ZFAT: variants seen among roughly 807,000 people sequenced by gnomAD.
ZFAT encodes zinc finger and AT-hook domain containing, also known as zinc finger protein ZFAT.
ZFAT carries 64 observed loss-of-function variants against 117.7 expected under a neutral mutation model. The ratio of observed to expected loss-of-function variants is 0.54; its 90% CI spans 0.44 to 0.67. ZFAT has a LOEUF of 0.67. Ranked by LOEUF, ZFAT falls within the 30% of genes least tolerant of loss-of-function variation. The probability of loss-of-function intolerance (pLI) is 0.00; values close to 1 mark genes in which losing one functional copy is unlikely to be tolerated. For missense variants in ZFAT, 1,433 were observed against 1,584.5 expected, an observed-to-expected ratio of 0.90 and a Z score of 1.62; for synonymous variants, 679 against 615.0, an observed-to-expected ratio of 1.10 and a Z score of -1.54.
Position 134,602,767 on chromosome 8 carries a change from G to A in ZFAT, c.952C>T (p.Leu318=). Residue 318 remains leucine, a synonymous_variant, in exon 6 of 16, where the codon CTG becomes TTG. Transcript: ENST00000377838. ...SAIKANLNVH[L]RKHTGEKFAC... ...AACTTCTCTCCAGTGTGCTTGCGCAGGTGCACATTGAGGTTGGCCTTGATG... is the reference window on the plus strand; with the variant it reads ...AACTTCTCTCCAGTGTGCTTGCGCAAGTGCACATTGAGGTTGGCCTTGATG... 2 of 1,613,970 alleles carry A rather than the reference G, an allele frequency of 1.2e-6. No individual in the cohort carries two copies. Among genetic ancestry groups the A allele is most frequent in the South Asian group, 1.1e-5 (1 of 91,078 alleles).
chr8:134,610,890 G>T (rs1268113912), intron 3 of ZFAT, among the ~76,000 whole-genome samples: 2 of 152,074 alleles, frequency 1.3e-5, no homozygotes, highest in Non-Finnish European at 2.9e-5. Flanking sequence ...GGCGTACACT[G>T]TTGGGTGAAG....
the ZFAT span, among the ~76,000 whole-genome samples, chr8:134,724,730 C>A: frequency 1.3e-5 from 2 of 152,108 alleles, no homozygotes; most frequent in African/African-American, 4.8e-5. Flanking sequence ...AGTCAAGTTA[C>A]ACAGTGCAGG....
At chr8:134,493,787 C>T (rs934037142) in intron 15 of ZFAT, among the ~76,000 whole-genome samples, 2 of 152,186 alleles carry the variant, frequency 1.3e-5, no homozygotes, top group South Asian at 2.1e-4. Flanking sequence ...AGCTGCTGCC[C>T]GTGTGCTTCA....
At chr8:134,595,107 A>G (rs1826828265) in intron 7 of ZFAT, among the ~76,000 whole-genome samples, 1 of 152,196 alleles carries the variant, frequency 6.6e-6, no homozygotes, top group South Asian at 2.1e-4. Flanking sequence ...AGGCCACTAA[A>G]TATGTATTTA....
chr8:134,795,531 G>C, the ZFAT span: 2 of 152,242 alleles, frequency 1.3e-5, no homozygotes, highest in African/African-American at 4.8e-5. Flanking sequence ...AGAGCCGATA[G>C]ATGGCTGACA....
At chr8:134,491,124 C>G (rs566285773) in intron 15 of ZFAT, among the ~76,000 whole-genome samples, 1 of 152,332 alleles carries the variant, frequency 6.6e-6, no homozygotes, top group East Asian at 1.9e-4. Context: ...TAACAACAAC[C>G]TTATTTATGA....
At chr8:134,759,280 C>T in the ZFAT span, among the ~76,000 whole-genome samples, 1 of 152,162 alleles carries the variant, frequency 6.6e-6, no homozygotes, top group African/African-American at 2.4e-5. Flanking sequence ...GCAAGAGGGA[C>T]TCAGAAATCA....
At chr8:134,653,421 T>TTG (rs1332122539) in intron 2 of ZFAT, among the ~76,000 whole-genome samples, 2 of 34,980 alleles carry the variant, frequency 5.7e-5, no homozygotes, top group Non-Finnish European at 6.0e-5. Flanking sequence ...TTTTATCTGT[T>TTG]TTTTTTTTTT....
At chr8:134,757,219 G>A in the ZFAT span, among the ~76,000 whole-genome samples, 1 of 151,854 alleles carries the variant, frequency 6.6e-6, no homozygotes, top group Non-Finnish European at 1.5e-5. Context: ...TTTTCACCAT[G>A]TTGGCCAGGC....
At chr8:134,615,743 T>C (rs940987915) in intron 3 of ZFAT, among the ~76,000 whole-genome samples, 2 of 152,224 alleles carry the variant, frequency 1.3e-5, no homozygotes, top group Non-Finnish European at 2.9e-5. Flanking sequence ...TGTGGCCTCA[T>C]GCAACGTGGA....
chr8:134,708,760 C>T (rs1375613555), intron 1 of ZFAT, among the ~76,000 whole-genome samples: 2 of 151,994 alleles, frequency 1.3e-5, no homozygotes, highest in Non-Finnish European at 2.9e-5. Flanking sequence ...GGAAACCAGC[C>T]TGACCAACAT....
intron 15 of ZFAT, among the ~76,000 whole-genome samples, chr8:134,480,852 C>T (rs1460440481): frequency 1.3e-5 from 2 of 152,208 alleles, no homozygotes; most frequent in African/African-American, 2.4e-5. Flanking sequence ...GGGTCTCATC[C>T]TGACCCTGTG....
chr8:134,591,080 C>T (rs985404341), intron 7 of ZFAT, among the ~76,000 whole-genome samples: 3 of 152,140 alleles, frequency 2.0e-5, no homozygotes, highest in Non-Finnish European at 4.4e-5. Flanking sequence ...TGCGGGTCTA[C>T]CACACACACC....
At chr8:134,614,254 C>G (rs771080953) in intron 3 of ZFAT, among the ~76,000 whole-genome samples, 1 of 152,150 alleles carries the variant, frequency 6.6e-6, no homozygotes, top group East Asian at 1.9e-4. Flanking sequence ...AAGCACACAC[C>G]CTCATGTACT....
chr8:134,759,637 T>G, the ZFAT span, among the ~76,000 whole-genome samples: 1 of 151,986 alleles, frequency 6.6e-6, no homozygotes, highest in Non-Finnish European at 1.5e-5. Context: ...CTGAAGAGTT[T>G]CAGGAAACTC....
chr8:134,607,899 G>T (rs1828014874), intron 5 of ZFAT, among the ~76,000 whole-genome samples: 1 of 152,180 alleles, frequency 6.6e-6, no homozygotes, highest in Admixed American at 6.5e-5. Context: ...TGTATCTGGA[G>T]GACAGTTTTT....
At chr8:134,689,740 C>G (rs1436561305) in intron 1 of ZFAT, among the ~76,000 whole-genome samples, 8 of 152,156 alleles carry the variant, frequency 5.3e-5, no homozygotes, top group Non-Finnish European at 1.5e-5. Context: ...CTGGAGATGG[C>G]CCCCACCAGG....
intron 15 of ZFAT, among the ~76,000 whole-genome samples, chr8:134,504,580 C>T (rs1819252411): frequency 6.6e-6 from 1 of 152,162 alleles, no homozygotes; most frequent in Admixed American, 6.5e-5. Flanking sequence ...AGTGCAGGTT[C>T]ACTATTTGCA....
upstream of ZFAT, among the ~76,000 whole-genome samples, chr8:134,716,169 G>GCACA (rs535979165): frequency 5.2e-5 from 7 of 134,608 alleles, no homozygotes; most frequent in African/African-American, 7.8e-5. Context: ...ATGTATATAT[G>GCACA]CACACACACA....
Sources: gnomAD v4.1 joint callset for allele counts (sites outside exome capture counted in the v4.1 genomes callset) on GRCh38, gnomAD v4.1.1 for gene constraint, MANE v1.5 for transcripts, NCBI Gene and HGNC (gene_info 2026-07-23, HGNC 2026-07-21) for gene names.